PDE10A: variants seen among roughly 807,000 people sequenced by gnomAD.
PDE10A encodes the protein cAMP and cAMP-inhibited cGMP 3',5'-cyclic phosphodiesterase 10A.
A neutral mutation model predicts 97.7 loss-of-function variants in PDE10A; 39 were observed. That is an observed-to-expected ratio of 0.40 (90% confidence interval 0.31 to 0.52). The LOEUF (loss-of-function observed/expected upper bound fraction) is 0.52. Ranked by LOEUF, PDE10A falls within the 20% of genes least tolerant of loss-of-function variation. The probability of loss-of-function intolerance (pLI) is 0.56; values close to 1 mark genes in which losing one functional copy is unlikely to be tolerated. For missense variants in PDE10A, 731 were observed against 1,047.8 expected (o/e 0.70, Z 4.17); for synonymous variants, 371 against 376.8 (o/e 0.98, Z 0.18).
chr6:165,473,883 G>C (rs1779150710), intron 3 of PDE10A, among the ~76,000 whole-genome samples: 1 of 152,290 alleles, frequency 6.6e-6, no homozygotes, highest in South Asian at 2.1e-4. Flanking sequence ...TATCTGGTCA[G>C]TGGTTTAACA....
chr6:165,409,718 A>G (rs980998670), intron 13 of PDE10A: 1 of 152,218 alleles, frequency 6.6e-6, no homozygotes, highest in Non-Finnish European at 1.5e-5. Flanking sequence ...TCCATATACT[A>G]CTTGTCACTG....
At chr6:165,785,552 A>G (rs1248906283) in intron 1 of PDE10A, among the ~76,000 whole-genome samples, 1 of 152,248 alleles carries the variant, frequency 6.6e-6, no homozygotes, top group African/African-American at 2.4e-5. Context: ...GTGTTAAACC[A>G]AATTCGTATC....
intron 3 of PDE10A, among the ~76,000 whole-genome samples, chr6:165,468,287 A>C (rs1778783120): frequency 1.3e-5 from 2 of 148,578 alleles, no homozygotes; most frequent in African/African-American, 2.5e-5. Flanking sequence ...ATGGGGTTTC[A>C]CCATGTTGGT....
Position 165,444,759 on chromosome 6 carries a change from C to T in PDE10A, c.1194+4169G>A, listed in dbSNP as rs117233989. ...TTTCCTCCTTGCTTATATGAATGCA[C>T]GTTTTTAAATTCTATTAGAACTTCT... is the stretch of plus-strand genomic sequence containing the variant. On this transcript the variant is annotated intron_variant, in intron 5 of 21. Coordinates refer to ENST00000539869, the MANE Select transcript of PDE10A (RefSeq NM_001385079.1). Among the ~76,000 whole-genome samples the T allele has an allele frequency of 1.8e-3, 281 of 151,942 alleles. 1 individual carries two copies. Among genetic ancestry groups the T allele is most frequent in the Non-Finnish European group, 3.4e-3 (234 of 67,934 alleles).
intron 2 of PDE10A, among the ~76,000 whole-genome samples, chr6:165,484,460 C>A (rs957848896): frequency 8.5e-5 from 13 of 152,206 alleles, no homozygotes; most frequent in African/African-American, 3.1e-4. Context: ...TCTCATAGAG[C>A]GCAAACCCTA....
At chr6:165,905,325 A>G (rs933937877) in intron 1 of PDE10A, among the ~76,000 whole-genome samples, 3 of 152,152 alleles carry the variant, frequency 2.0e-5, no homozygotes, top group Admixed American at 1.3e-4. Context: ...AGGTTGTTTA[A>G]ATTAGTAGAC....
intron 2 of PDE10A, among the ~76,000 whole-genome samples, chr6:165,503,405 A>G (rs191659842): frequency 1.3e-5 from 2 of 152,350 alleles, no homozygotes; most frequent in East Asian, 3.9e-4. Context: ...TGCACAGGGA[A>G]TGATGGGAGT....
chr6:165,453,352 G>A (rs1014759752), intron 3 of PDE10A, among the ~76,000 whole-genome samples: 4 of 152,210 alleles, frequency 2.6e-5, no homozygotes, highest in Non-Finnish European at 4.4e-5. Context: ...GGGTTTATGG[G>A]CAACTGACCA....
intron 1 of PDE10A, among the ~76,000 whole-genome samples, chr6:165,633,000 C>T (rs1345730210): frequency 6.6e-6 from 1 of 150,482 alleles, no homozygotes; most frequent in African/African-American, 2.5e-5. Context: ...TTCAGCAACT[C>T]AATATGCTGG....
At chr6:165,987,023 G>C (rs1785243923) in intron 1 of PDE10A, among the ~76,000 whole-genome samples, 1 of 152,090 alleles carries the variant, frequency 6.6e-6, no homozygotes, top group Non-Finnish European at 1.5e-5. Flanking sequence ...CAAAAGAGCA[G>C]GGGGTCCTGT....
rs944391342 is a variant in PDE10A, at chr6:165,746,774, C to T, written c.-614-203206G>A. Among the ~76,000 whole-genome samples the T allele has an allele frequency of 8.5e-5, 13 of 152,098 alleles. 1 individual carries two copies. Among genetic ancestry groups the T allele is most frequent in the Admixed American group, 5.2e-4 (8 of 15,266 alleles). On this transcript the variant is annotated intron_variant, in intron 1 of 19. Coordinates refer to the PDE10A transcript ENST00000366882. Reference sequence around the variant, plus strand: ...GCAGATGGAAGAAGATTTAGGAGCTCGGCAAATTATCCATATATTTGATTG... The same window carrying T: ...GCAGATGGAAGAAGATTTAGGAGCTTGGCAAATTATCCATATATTTGATTG...
At chr6:165,656,679 C>T (rs1443275594) in intron 1 of PDE10A, among the ~76,000 whole-genome samples, 3 of 152,188 alleles carry the variant, frequency 2.0e-5, no homozygotes, top group Non-Finnish European at 4.4e-5. Context: ...ACCCTGCAAC[C>T]TCAGAAGATC....
rs552400116 is a variant in PDE10A at position 165,555,838 on chromosome 6, T to C, written c.866-12270A>G. Among the ~76,000 whole-genome samples, 115 of 152,216 alleles carry C rather than the reference T, an allele frequency of 7.6e-4. 1 individual carries two copies. The highest frequency in any genetic ancestry group is 3.0e-3 in the Admixed American group (46 of 15,294). On this transcript the variant is annotated intron_variant, in intron 1 of 21. Transcript: ENST00000539869. ...GGTGCCCAAGGCTGGATCCAGCCAA[T>C]TTGCTACAAGGAACAAGCCAGAGGA...
intron 1 of PDE10A, among the ~76,000 whole-genome samples, chr6:165,985,342 G>A (rs1303174185): frequency 3.9e-5 from 6 of 152,156 alleles, no homozygotes; most frequent in Non-Finnish European, 8.8e-5. Context: ...TGTCTGCCTG[G>A]GTTTCTTTTA....
intron 1 of PDE10A, among the ~76,000 whole-genome samples, chr6:165,825,208 G>T (rs1259313028): frequency 6.6e-6 from 1 of 151,834 alleles, no homozygotes; most frequent in African/African-American, 2.4e-5. Flanking sequence ...AAGGGTTTGG[G>T]GTGAGCTCCC....
intron 1 of PDE10A, among the ~76,000 whole-genome samples, chr6:165,960,652 G>A (rs927825750): frequency 3.9e-5 from 6 of 152,208 alleles, no homozygotes; most frequent in African/African-American, 1.2e-4. Flanking sequence ...AGCAGTTAGC[G>A]CAGATCTGTA....
chr6:165,901,341 T>C (rs980983709), intron 1 of PDE10A, among the ~76,000 whole-genome samples: 9 of 152,136 alleles, frequency 5.9e-5, no homozygotes, highest in African/African-American at 1.9e-4. Context: ...CTTTCTAGAG[T>C]TATTCACCTA....
intron 1 of PDE10A, among the ~76,000 whole-genome samples, chr6:165,893,738 G>T (rs1006893269): frequency 9.9e-5 from 15 of 151,906 alleles, no homozygotes; most frequent in African/African-American, 3.4e-4. Context: ...TATAGCAGGA[G>T]TTCAATAAAG....
chr6:165,813,060 G>A (rs950707138), intron 1 of PDE10A, among the ~76,000 whole-genome samples: 6 of 152,230 alleles, frequency 3.9e-5, no homozygotes, highest in South Asian at 2.1e-4. Flanking sequence ...GCAAAGTAGC[G>A]GTAGGCAGTG....
Sources: allele counts gnomAD v4.1 joint callset (sites outside exome capture counted in the v4.1 genomes callset), GRCh38; gene constraint gnomAD v4.1.1; transcripts MANE v1.5; gene names NCBI Gene and HGNC (gene_info 2026-07-23, HGNC 2026-07-21).